Variants in CDH4 observed in about 807,000 individuals in gnomAD.
CDH4 encodes the protein cadherin-4.
A neutral mutation model predicts 86.0 loss-of-function variants in CDH4; 33 were observed. The ratio of observed to expected loss-of-function variants is 0.38; its 90% CI spans 0.29 to 0.51. CDH4 has a LOEUF of 0.51. Ranked by LOEUF, CDH4 falls within the 20% of genes least tolerant of loss-of-function variation. The probability of loss-of-function intolerance (pLI) is 0.86; values close to 1 mark genes in which losing one functional copy is unlikely to be tolerated. For missense variants in CDH4, 1,114 were observed against 1,307.4 expected, an observed-to-expected ratio of 0.85 and a Z score of 2.28; for synonymous variants, 555 against 549.4, an observed-to-expected ratio of 1.01 and a Z score of -0.14.
intron 7 of CDH4, 112 bp from the exon 8 acceptor site, chr20:61,894,798 G>A (rs1188907922): frequency 8.3e-7 from 1 of 1,208,664 alleles, no homozygotes; most frequent in Non-Finnish European, 1.2e-6. Context: ...CAGTGAAAGA[G>A]AACCGGTTCC....
At position 61,857,943 on chromosome 20, in the gene CDH4, G is replaced by A. The variant is rs543995900; in HGVS notation, c.877+5045G>A. ...TGTGTCAGTGTGTGTCTGTCTGTGTGTCTCTGTGTCTGTGTGTGTCTCTGT... is the reference window on the plus strand; with the variant it reads ...TGTGTCAGTGTGTGTCTGTCTGTGTATCTCTGTGTCTGTGTGTGTCTCTGT... On this transcript the variant is annotated intron_variant, in intron 6 of 15. Coordinates refer to ENST00000614565, the MANE Select transcript of CDH4 (RefSeq NM_001794.5). Among the ~76,000 whole-genome samples, 94 of 148,628 alleles carry A rather than the reference G, an allele frequency of 6.3e-4. 1 individual carries two copies. Among genetic ancestry groups the A allele is most frequent in the African/African-American group, 2.1e-3 (86 of 41,168 alleles).
chr20:61,712,459 A>G (rs1004411045), intron 2 of CDH4, among the ~76,000 whole-genome samples: 3 of 152,114 alleles, frequency 2.0e-5, no homozygotes, highest in Non-Finnish European at 2.9e-5. Context: ...TAGAGGGGAG[A>G]AGGGCAGGAT....
At chr20:61,730,895 G>A (rs189103734) in intron 2 of CDH4, among the ~76,000 whole-genome samples, 31 of 147,600 alleles carry the variant, frequency 2.1e-4, no homozygotes, top group African/African-American at 6.3e-4. Context: ...TGAGCTGGGC[G>A]GCGGGGTCTG....
chr20:61,905,866 A>G (rs2054782994), intron 8 of CDH4, among the ~76,000 whole-genome samples: 1 of 151,570 alleles, frequency 6.6e-6, no homozygotes, highest in African/African-American at 2.4e-5. Flanking sequence ...TGACCCTGGC[A>G]GCTTGAAAAA....
At chr20:61,781,667 A>C (rs1159670322) in intron 4 of CDH4, among the ~76,000 whole-genome samples, 1 of 152,220 alleles carries the variant, frequency 6.6e-6, no homozygotes, top group Non-Finnish European at 1.5e-5. Context: ...TGGCAATAAC[A>C]GAAGGAGAGG....
intron 4 of CDH4, among the ~76,000 whole-genome samples, chr20:61,779,881 A>G (rs1600979763): frequency 6.6e-6 from 1 of 152,344 alleles, no homozygotes; most frequent in Middle Eastern, 3.4e-3. Context: ...TGGCGGGGCC[A>G]GCTGAATTTT....
At position 61,605,535 on chromosome 20, in the gene CDH4, C is replaced by T. The variant is rs150141566; in HGVS notation, c.170-138028C>T. Among the ~76,000 whole-genome samples, 192 of 151,438 alleles carry T rather than the reference C, an allele frequency of 1.3e-3. 1 individual carries two copies. The highest frequency in any genetic ancestry group is 4.4e-3 in the African/African-American group (180 of 41,298). On this transcript the variant is annotated intron_variant, in intron 2 of 15. Coordinates refer to ENST00000614565, the MANE Select transcript of CDH4 (RefSeq NM_001794.5). ...TTTCTGTCTCTCCCTTTCTGTCTCT[C>T]TCCTTCTGTCTCTGTCTCCCTGTTT...
At chr20:61,352,795 C>T (rs185545401) in intron 2 of CDH4, among the ~76,000 whole-genome samples, 3 of 152,072 alleles carry the variant, frequency 2.0e-5, no homozygotes, top group Non-Finnish European at 4.4e-5. Context: ...GGCCGTCTGC[C>T]GCTTGCTGGT....
At chr20:61,285,336 A>G (rs1027794075) in intron 2 of CDH4, among the ~76,000 whole-genome samples, 6 of 152,210 alleles carry the variant, frequency 3.9e-5, no homozygotes, top group Non-Finnish European at 1.5e-5. Context: ...GGAGTGTAGC[A>G]TAGAGCAGGG....
rs1568791442 is a variant in CDH4 at position 61,744,447 on chromosome 20, AGG to A, written c.396+660_396+661del. 5.0e-5 allele frequency among the ~76,000 whole-genome samples: 3 copies of A among 60,226 alleles called. No homozygotes were observed. The South Asian group carries it at 2.3e-3, about 46-fold the overall frequency. The allele number at this position is 60,226 out of a possible 152,430, so 39.5% of individuals were successfully genotyped here. A position where few individuals can be genotyped will look rare whatever the true frequency, so the allele number is the denominator to read the frequency against. ...GAAGGAAAGGGAGGGAGAGGAAGAG[AGG>A]GAGAGAGAGAAGGAGGGAGAGAGAT... is the stretch of plus-strand genomic sequence containing the variant. On this transcript the variant is annotated intron_variant, in intron 3 of 15. Transcript: ENST00000614565.
chr20:61,453,845 GC>G (rs911240859), intron 2 of CDH4, among the ~76,000 whole-genome samples: 1 of 152,138 alleles, frequency 6.6e-6, no homozygotes, highest in African/African-American at 2.4e-5. Context: ...AATCATGGGG[GC>G]AGTGACCCTC....
At chr20:61,677,953 G>T (rs149825006) in intron 2 of CDH4, among the ~76,000 whole-genome samples, 148 of 152,224 alleles carry the variant, frequency 9.7e-4, no homozygotes, top group Non-Finnish European at 1.7e-3. Flanking sequence ...AGGAATGGAT[G>T]ATAGATAATA....
chr20:61,534,414 C>T (rs1216733265), intron 2 of CDH4, among the ~76,000 whole-genome samples: 4 of 152,120 alleles, frequency 2.6e-5, no homozygotes, highest in African/African-American at 9.7e-5. Flanking sequence ...CTATGCAACT[C>T]GTAATATGCA....
intron 4 of CDH4, among the ~76,000 whole-genome samples, chr20:61,799,153 A>G (rs1253331796): frequency 6.6e-6 from 1 of 152,216 alleles, no homozygotes; most frequent in East Asian, 1.9e-4. Context: ...AAATGTTTCA[A>G]AATAATCAGA....
intron 2 of CDH4, among the ~76,000 whole-genome samples, chr20:61,611,661 G>A (rs749731029): frequency 6.6e-5 from 10 of 152,120 alleles, no homozygotes; most frequent in Non-Finnish European, 1.0e-4. Context: ...TAGCATGAGC[G>A]ATTCCTCCTG....
chr20:61,270,955 C>A (rs565164889), intron 2 of CDH4, among the ~76,000 whole-genome samples: 1 of 152,250 alleles, frequency 6.6e-6, no homozygotes, highest in Admixed American at 6.5e-5. Context: ...ATCTTTATTG[C>A]GGTCGATCTA....
rs141288734 is a variant in CDH4 at position 61,894,345 on chromosome 20, G to A, written c.1051-565G>A. On this transcript the variant is annotated intron_variant, in intron 7 of 15. Transcript: ENST00000614565. ...TTTGCCATTTAAAGCTCACACCTGC[G>A]CCTGCACGGTAAACTGTCAGGACTG... is the stretch of plus-strand genomic sequence containing the variant. Among the ~76,000 whole-genome samples, 69 of 152,302 alleles carry A rather than the reference G, an allele frequency of 4.5e-4. No individual in the cohort carries two copies. The East Asian group carries it at 8.1e-3, about 18-fold the overall frequency.
chr20:61,932,562 CAT>C (rs2055124096), intron 13 of CDH4, among the ~76,000 whole-genome samples: 2 of 134,816 alleles, frequency 1.5e-5, no homozygotes, highest in Non-Finnish European at 3.3e-5. Context: ...CATCTACACA[CAT>C]GAACACACGA....
At chr20:61,432,744 A>G (rs547450019) in intron 2 of CDH4, among the ~76,000 whole-genome samples, 3 of 151,650 alleles carry the variant, frequency 2.0e-5, no homozygotes, top group African/African-American at 7.3e-5. Flanking sequence ...TGTTCTATCT[A>G]TAGGAAAACT....
Sources: gnomAD v4.1 joint callset for allele counts (sites outside exome capture counted in the v4.1 genomes callset) on GRCh38, gnomAD v4.1.1 for gene constraint, MANE v1.5 for transcripts, NCBI Gene and HGNC (gene_info 2026-07-23, HGNC 2026-07-21) for gene names.